The following TCHP variants were observed in gnomAD, a reference collection of about 807,000 sequenced individuals.
TCHP encodes trichoplein keratin filament binding.
Under a neutral mutation model 88.7 loss-of-function variants are expected in TCHP, and 81 were observed. The observed-to-expected ratio is 0.91, with a 90% CI of 0.76 to 1.10. TCHP has a LOEUF of 1.10. Ranked by LOEUF, TCHP falls within the 50% of genes least tolerant of loss-of-function variation. TCHP has a pLI of 0.00. For missense variants in TCHP, 641 were observed against 632.1 expected, an observed-to-expected ratio of 1.01 and a Z score of -0.15; for synonymous variants, 232 against 232.5, an observed-to-expected ratio of 1.00 and a Z score of 0.02.
chr12:109,892,826 G>A, the TCHP span, among the ~76,000 whole-genome samples: 1 of 152,050 alleles, frequency 6.6e-6, no homozygotes, highest in Non-Finnish European at 1.5e-5. Context: ...GACACTGTGA[G>A]GATGAAGGTG....
At position 109,908,893 on chromosome 12, in the gene TCHP, A is replaced by G; in HGVS notation, c.835A>G (p.Asn279Asp). 1 of 1,614,240 alleles carries G rather than the reference A, an allele frequency of 6.2e-7. No homozygotes were observed. Among genetic ancestry groups the G allele is most frequent in the Non-Finnish European group, 8.5e-7 (1 of 1,180,028 alleles). Residue 279 changes from asparagine to aspartate, a missense_variant, in exon 8 of 13, where the codon AAC becomes GAC. Transcript: ENST00000405876. ...CAGGCGTTTCTTGAGACATCAGTAT[A>G]ACGCTCAACTCAGCAGACGCACACA... ...ELGRFLRHQY[N>D]AQLSRRTQQI... is the part of the protein sequence containing the mutation.
intron 12 of TCHP, among the ~76,000 whole-genome samples, chr12:109,916,224 G>C (rs150815499): frequency 6.6e-6 from 1 of 152,230 alleles, no homozygotes; most frequent in Non-Finnish European, 1.5e-5. Context: ...CTTGTGGTCA[G>C]ATGACACTGG....
chr12:109,906,169 G>A (rs79920220), intron 4 of TCHP, among the ~76,000 whole-genome samples: 2,390 of 152,338 alleles, frequency 0.016, 34 homozygotes, highest in South Asian at 0.053. Flanking sequence ...GCTTTGCAGA[G>A]GAAACTTCGG....
the TCHP span, among the ~76,000 whole-genome samples, chr12:109,891,877 T>C: frequency 6.6e-6 from 1 of 151,886 alleles, no homozygotes; most frequent in African/African-American, 2.4e-5. Context: ...GCTCTGCTAA[T>C]TTCTGTATAT....
intron 1 of TCHP, 59 bp from the exon 2 acceptor site, chr12:109,902,968 A>G (rs1259328789): frequency 6.8e-7 from 1 of 1,480,780 alleles, no homozygotes; most frequent in Non-Finnish European, 9.1e-7. Flanking sequence ...GATGAGGCCA[A>G]GCTGGTGAGG....
In TCHP at chr12:109,908,925, C is replaced by G. The variant is rs748829015; in HGVS notation, c.867C>G (p.Ile289Met). 27 of 1,614,186 alleles carry G rather than the reference C, an allele frequency of 1.7e-5. No individual in the cohort carries two copies. The highest frequency in any genetic ancestry group is 2.2e-5 in the Non-Finnish European group (26 of 1,180,040). The change falls in exon 8 of 13, where the codon ATC becomes ATG. Residue 289 changes from isoleucine to methionine, a missense_variant. By Grantham distance (10) the Ile-to-Met change is conservative. Transcript: ENST00000405876. The part of the protein sequence containing the change: ...NAQLSRRTQQ[I>M]QEELEADRRI... ...AACTCAGCAGACGCACACAGCAGAT[C>G]CAAGAGGAGCTGGTAAGTCTGAAGA...
chr12:109,915,016 C>T, intron 11 of TCHP: 1 of 414,068 alleles, frequency 2.4e-6, no homozygotes, highest in South Asian at 2.3e-5. Context: ...CTCCAGCTTT[C>T]CATGAGGTAC....
chr12:109,884,113 T>C, the TCHP span, among the ~76,000 whole-genome samples: 1 of 152,132 alleles, frequency 6.6e-6, no homozygotes, highest in Non-Finnish European at 1.5e-5. Context: ...GACCCCTTGA[T>C]CCCAGGAGTT....
chr12:109,907,809 G>A, intron 6 of TCHP, 110 bp downstream of exon 6: 8 of 1,233,618 alleles, frequency 6.5e-6, no homozygotes, highest in African/African-American at 1.5e-5. Flanking sequence ...CTGAGATTCT[G>A]CAAAGGGCGG....
chr12:109,882,190 C>T, the TCHP span, among the ~76,000 whole-genome samples: 1 of 152,004 alleles, frequency 6.6e-6, no homozygotes, highest in Non-Finnish European at 1.5e-5. Context: ...TGAGCTGAGA[C>T]CTAGAGGAGA....
chr12:109,890,752 C>T, the TCHP span, among the ~76,000 whole-genome samples: 1 of 152,130 alleles, frequency 6.6e-6, no homozygotes, highest in Non-Finnish European at 1.5e-5. Context: ...TCAGGTGATC[C>T]ACCTGTCTCG....
intron 9 of TCHP, among the ~76,000 whole-genome samples, chr12:109,912,175 T>G (rs541397172): frequency 1.3e-5 from 2 of 152,326 alleles, no homozygotes; most frequent in South Asian, 4.1e-4. Flanking sequence ...AACTAGTAGA[T>G]TGAAATCATC....
chr12:109,905,029 A>G lies in TCHP; in HGVS notation c.456+236A>G. The G allele has an allele frequency of 1.9e-6, 1 of 531,092 alleles. No homozygotes were observed. Among genetic ancestry groups the G allele is most frequent in the Middle Eastern group, 5.1e-4 (1 of 1,948 alleles). The allele number at this position is 531,092 out of a possible 1,614,324, so 32.9% of individuals were successfully genotyped here. ...TGGTCTGCCAGGTGCGGGCATGGAG[A>G]TTAGACATGGTTTCTGCTCATTAGC... On this transcript the variant is annotated intron_variant, in intron 4 of 12. Transcript: ENST00000405876. The surrounding 1 kb of genome is among the most constrained non-coding windows in gnomAD (Gnocchi z 4.0).
chr12:109,908,686 AG>A lies in TCHP; in HGVS notation c.802del (p.Ala268GlnfsTer7). 1 of 1,595,174 alleles carries A rather than the reference AG, an allele frequency of 6.3e-7. No individual in the cohort carries two copies. The highest frequency in any genetic ancestry group is 8.5e-7 in the Non-Finnish European group (1 of 1,172,300). On this transcript the variant is annotated frameshift_variant, in exon 7 of 13. Transcript: ENST00000405876. LOFTEE classifies it high-confidence loss of function. ...ERKQMEAFRQ[K>X]AELGRFLRHQ... ...AAGCAGATGGAAGCCTTCCGGCAGA[AG>A]GCAGAGCTGGGGTGTGTGTCAGAAG...
At chr12:109,915,727 G>A (rs1328954044) in intron 12 of TCHP, among the ~76,000 whole-genome samples, 181 bp downstream of exon 12, 1 of 152,208 alleles carries the variant, frequency 6.6e-6, no homozygotes, top group African/African-American at 2.4e-5. Flanking sequence ...TGACACAGGG[G>A]CTGTTCCAGT....
Position 109,903,309 on chromosome 12 carries a change from A to G in TCHP, c.188+95A>G. On this transcript the variant is annotated intron_variant, in intron 2 of 12. Coordinates refer to ENST00000405876, the MANE Select transcript of TCHP (RefSeq NM_001143852.2). This position sits in a 1 kb window ranked among gnomAD's most constrained non-coding sequence, Gnocchi z 4.6. ...GGATTTAGGGAGCGTAGGATTTGCC[A>G]GGCAGTATGAATTACCTGCATGGTG... The G allele has an allele frequency of 8.2e-7, 1 of 1,220,504 alleles. No individual in the cohort carries two copies. Among genetic ancestry groups the G allele is most frequent in the Non-Finnish European group, 1.1e-6 (1 of 879,130 alleles). The allele number at this position is 1,220,504 out of a possible 1,614,324, so 75.6% of individuals were successfully genotyped here. A position where few individuals can be genotyped will look rare whatever the true frequency, so the allele number is the denominator to read the frequency against.
upstream of TCHP, among the ~76,000 whole-genome samples, chr12:109,896,991 G>C (rs1431704471): frequency 1.3e-5 from 2 of 152,132 alleles, no homozygotes; most frequent in East Asian, 3.8e-4. Context: ...GCATGGCATG[G>C]GGAATGCAGC....
intron 12 of TCHP, 64 bp from the exon 13 acceptor site, chr12:109,916,527 G>A (rs937965902): frequency 6.6e-7 from 1 of 1,511,484 alleles, no homozygotes; most frequent in African/African-American, 1.4e-5. Context: ...TTAAAACAAG[G>A]TTAATTCCTC....
the TCHP span, among the ~76,000 whole-genome samples, chr12:109,882,789 TG>T: frequency 6.6e-6 from 1 of 150,984 alleles, no homozygotes; most frequent in African/African-American, 2.4e-5. Context: ...CCCAAGTAGC[TG>T]GGATTACAGG....
Sources: gnomAD v4.1 joint callset for allele counts (sites outside exome capture counted in the v4.1 genomes callset) on GRCh38, gnomAD v4.1.1 for gene constraint, Gnocchi (gnomAD v3.1) non-coding constraint, MANE v1.5 for transcripts, NCBI Gene and HGNC (gene_info 2026-07-23, HGNC 2026-07-21) for gene names.